Variants in MIR2052HG observed in about 807,000 individuals in gnomAD.
The protein encoded by MIR2052HG is MIR2052 host gene.
At chr8:74,614,071 G>T (rs996303537) in intron 2 of MIR2052HG, among the ~76,000 whole-genome samples, 3 of 152,120 alleles carry the variant, frequency 2.0e-5, no homozygotes, top group Non-Finnish European at 4.4e-5. Context: ...TCAAATAGTT[G>T]TTCAGATGAT....
chr8:74,648,686 T>C (rs1369343661), intron 2 of MIR2052HG, among the ~76,000 whole-genome samples: 1 of 152,064 alleles, frequency 6.6e-6, no homozygotes, highest in African/African-American at 2.4e-5. Flanking sequence ...TTAGGGAAAA[T>C]AGAAAGAACC....
intron 1 of MIR2052HG, chr8:74,609,821 A>T (rs966581031): frequency 6.6e-6 from 1 of 151,134 alleles, no homozygotes; most frequent in Admixed American, 6.6e-5. Context: ...CCCACTATGA[A>T]CATATGTGAA....
At chr8:74,730,503 T>C (rs1349765592) in intron 4 of MIR2052HG, among the ~76,000 whole-genome samples, 1 of 152,176 alleles carries the variant, frequency 6.6e-6, no homozygotes, top group Non-Finnish European at 1.5e-5. Context: ...CGAATAGTCA[T>C]ATGAAAATAT....
intron 2 of MIR2052HG, among the ~76,000 whole-genome samples, chr8:74,661,968 A>T (rs1808869962): frequency 1.3e-5 from 2 of 152,234 alleles, no homozygotes; most frequent in Admixed American, 1.3e-4. Context: ...AAACATTACC[A>T]GTGACAAAAA....
At chr8:74,673,636 A>G (rs1809016993) in intron 2 of MIR2052HG, among the ~76,000 whole-genome samples, 1 of 151,936 alleles carries the variant, frequency 6.6e-6, no homozygotes, top group South Asian at 2.1e-4. Flanking sequence ...ACGTCCATCA[A>G]TTCCTGGTCT....
At chr8:74,666,174 G>A (rs1333627747) in intron 2 of MIR2052HG, among the ~76,000 whole-genome samples, 1 of 152,080 alleles carries the variant, frequency 6.6e-6, no homozygotes, top group Non-Finnish European at 1.5e-5. Flanking sequence ...TGGGACTCCT[G>A]ATTTAGCCTC....
chr8:74,733,000 C>G (rs1313221845), intron 4 of MIR2052HG, among the ~76,000 whole-genome samples: 2 of 152,092 alleles, frequency 1.3e-5, no homozygotes, highest in African/African-American at 4.8e-5. Flanking sequence ...AAATTCTACT[C>G]TGGTTGCTGT....
chr8:74,736,468 G>A (rs796719706), intron 4 of MIR2052HG, among the ~76,000 whole-genome samples: 6 of 152,232 alleles, frequency 3.9e-5, no homozygotes, highest in African/African-American at 1.4e-4. Context: ...AAGCCTTGTA[G>A]CAATTTGCTA....
intron 2 of MIR2052HG, among the ~76,000 whole-genome samples, chr8:74,647,585 A>G (rs1808703414): frequency 6.6e-6 from 1 of 152,252 alleles, no homozygotes; most frequent in Admixed American, 6.5e-5. Flanking sequence ...CACATTGTTT[A>G]GAACTGAAAA....
chr8:74,714,975 C>T (rs1012483997), intron 4 of MIR2052HG, among the ~76,000 whole-genome samples: 4 of 152,092 alleles, frequency 2.6e-5, no homozygotes, highest in Admixed American at 2.6e-4. Context: ...CCACAGTGCC[C>T]GGTCCTACTT....
chr8:74,678,915 A>G (rs369923823), intron 2 of MIR2052HG, among the ~76,000 whole-genome samples: 4 of 152,188 alleles, frequency 2.6e-5, no homozygotes, highest in East Asian at 3.8e-4. Flanking sequence ...AACAATAATA[A>G]TTATATAAAT....
intron 4 of MIR2052HG, among the ~76,000 whole-genome samples, chr8:74,712,129 T>G (rs1160463972): frequency 1.3e-5 from 2 of 152,236 alleles, no homozygotes; most frequent in African/African-American, 2.4e-5. Context: ...ACTTAAACTC[T>G]CTGTGCCTCA....
intron 3 of MIR2052HG, among the ~76,000 whole-genome samples, chr8:74,702,976 C>A (rs192182350): frequency 6.6e-6 from 1 of 152,012 alleles, no homozygotes; most frequent in Non-Finnish European, 1.5e-5. Context: ...AGGGGTGTTA[C>A]GTTCTCTGAA....
intron 4 of MIR2052HG, among the ~76,000 whole-genome samples, chr8:74,742,893 A>T (rs1356208134): frequency 6.6e-6 from 1 of 152,158 alleles, no homozygotes; most frequent in Non-Finnish European, 1.5e-5. Context: ...TTTGAGCTAC[A>T]ATGAAGCCTA....
At position 74,718,417 on chromosome 8, in the gene MIR2052HG, A is replaced by G. The variant is rs924848778; in HGVS notation, n.371+14735A>G. 6.6e-5 allele frequency among the ~76,000 whole-genome samples: 10 copies of G among 152,082 alleles called. No individual in the cohort carries two copies. The South Asian group carries it at 1.7e-3, about 25-fold the overall frequency. On this transcript the variant is annotated intron_variant and non_coding_transcript_variant, in intron 4 of 6. Coordinates refer to ENST00000523442, the Ensembl canonical transcript of MIR2052HG. ...TTATGTCTTGTTGCTCCTCCAATCT[A>G]TAGGCAGTTTTCCTCACCTGTATGG...
At chr8:74,679,521 CTATTATTAT>C (rs71565406) in intron 2 of MIR2052HG, among the ~76,000 whole-genome samples, 10,231 of 141,928 alleles carry the variant, frequency 0.072, 728 homozygotes, top group African/African-American at 0.18. Flanking sequence ...GGCTTGTTTA[CTATTATTAT>C]TATTATTATT....
intron 2 of MIR2052HG, among the ~76,000 whole-genome samples, chr8:74,640,919 C>A (rs912439748): frequency 6.6e-6 from 1 of 152,180 alleles, no homozygotes. Flanking sequence ...TGTTTAAGGT[C>A]ATTAAAATCC....
At chr8:74,640,364 G>A (rs1019378103) in intron 2 of MIR2052HG, among the ~76,000 whole-genome samples, 2 of 151,576 alleles carry the variant, frequency 1.3e-5, no homozygotes, top group Admixed American at 6.6e-5. Context: ...CCAGCTACTC[G>A]GGAGGCTGAG....
At chr8:74,753,034 A>T (rs960971452) in intron 5 of MIR2052HG, among the ~76,000 whole-genome samples, 3 of 152,234 alleles carry the variant, frequency 2.0e-5, no homozygotes, top group African/African-American at 7.2e-5. Flanking sequence ...TCCAGCTATG[A>T]ATCTAATCAG....
Sources: gnomAD v4.1 joint callset for allele counts (sites outside exome capture counted in the v4.1 genomes callset) on GRCh38, gnomAD v4.1.1 for gene constraint, MANE v1.5 for transcripts, NCBI Gene and HGNC (gene_info 2026-07-23, HGNC 2026-07-21) for gene names.